Variants in GUCY1A2 observed in about 807,000 individuals in gnomAD.
GUCY1A2 encodes the protein guanylate cyclase 1 soluble subunit alpha 2, also known as guanylate cyclase soluble subunit alpha-2.
GUCY1A2 carries 27 observed loss-of-function variants against 63.5 expected under a neutral mutation model. The ratio of observed to expected loss-of-function variants is 0.43; its 90% CI spans 0.31 to 0.59. The LOEUF (loss-of-function observed/expected upper bound fraction) is 0.59. Among genes scored for constraint, GUCY1A2 ranks in the 20% least tolerant of loss-of-function variants. The pLI, the probability that GUCY1A2 is intolerant of heterozygous loss-of-function variation, is 0.11. For synonymous variants in GUCY1A2, 364 were observed against 343.5 expected (o/e 1.06, Z -0.66); for missense variants, 768 against 913.3 (o/e 0.84, Z 2.05).
chr11:106,725,795 G>A (rs1863397575), intron 6 of GUCY1A2, among the ~76,000 whole-genome samples: 1 of 151,990 alleles, frequency 6.6e-6, no homozygotes, highest in Admixed American at 6.5e-5. Flanking sequence ...GCATTTGCAT[G>A]TTTAATTAAA....
intron 5 of GUCY1A2, among the ~76,000 whole-genome samples, chr11:106,784,605 A>T (rs1014469927): frequency 1.3e-5 from 2 of 152,144 alleles, no homozygotes; most frequent in Non-Finnish European, 2.9e-5. Context: ...CAGACATTAT[A>T]TTGTGATTCT....
intron 4 of GUCY1A2, among the ~76,000 whole-genome samples, chr11:106,890,750 T>G (rs905424897): frequency 6.6e-6 from 1 of 152,132 alleles, no homozygotes; most frequent in African/African-American, 2.4e-5. Context: ...GCAGAAAATA[T>G]CATTTAAAAA....
intron 6 of GUCY1A2, among the ~76,000 whole-genome samples, chr11:106,740,710 G>A (rs1241171525): frequency 1.1e-4 from 16 of 139,660 alleles, no homozygotes; most frequent in East Asian, 2.0e-4. Context: ...AGTTTAGCTC[G>A]TTACCCAGGC....
chr11:106,981,618 C>A (rs184193428), intron 2 of GUCY1A2, among the ~76,000 whole-genome samples: 1 of 152,010 alleles, frequency 6.6e-6, no homozygotes, highest in African/African-American at 2.4e-5. Flanking sequence ...CTGAAGAAAT[C>A]TGTGCTTCGT....
chr11:106,726,547 G>A (rs1401030165), intron 6 of GUCY1A2, among the ~76,000 whole-genome samples: 3 of 152,186 alleles, frequency 2.0e-5, no homozygotes, highest in African/African-American at 7.2e-5. Flanking sequence ...TGGGCTACAG[G>A]ATGGAGAATG....
intron 3 of GUCY1A2, among the ~76,000 whole-genome samples, chr11:106,948,260 C>T (rs1400059520): frequency 6.6e-6 from 1 of 152,084 alleles, no homozygotes; most frequent in Non-Finnish European, 1.5e-5. Flanking sequence ...ATACAGTATA[C>T]TAAGACCAAT....
At chr11:106,865,284 T>C (rs1028105247) in intron 4 of GUCY1A2, among the ~76,000 whole-genome samples, 4 of 152,206 alleles carry the variant, frequency 2.6e-5, no homozygotes, top group African/African-American at 9.6e-5. Context: ...CTTCTCTCTT[T>C]TCTTCTTTAT....
intron 4 of GUCY1A2, among the ~76,000 whole-genome samples, chr11:106,835,978 G>A (rs1324045496): frequency 6.6e-6 from 1 of 151,894 alleles, no homozygotes; most frequent in Non-Finnish European, 1.5e-5. Context: ...GGAAGATAAT[G>A]GAATAACTAT....
intron 5 of GUCY1A2, among the ~76,000 whole-genome samples, chr11:106,777,225 C>G (rs374275050): frequency 6.6e-6 from 1 of 151,982 alleles, no homozygotes; most frequent in South Asian, 2.1e-4. Flanking sequence ...GTTGAGGCAG[C>G]GGATCACGAG....
chr11:106,881,266 T>C (rs1479331646), intron 4 of GUCY1A2, among the ~76,000 whole-genome samples: 2 of 152,054 alleles, frequency 1.3e-5, no homozygotes, highest in Non-Finnish European at 2.9e-5. Flanking sequence ...TTAGCCACAC[T>C]CCAAATGTTC....
chr11:106,882,059 C>A (rs546444318), intron 4 of GUCY1A2, among the ~76,000 whole-genome samples: 2 of 151,828 alleles, frequency 1.3e-5, no homozygotes, highest in Non-Finnish European at 2.9e-5. Flanking sequence ...CATTCTCTTT[C>A]TTTTCTTTTC....
intron 5 of GUCY1A2, among the ~76,000 whole-genome samples, chr11:106,779,432 G>A (rs1864420262): frequency 6.6e-6 from 1 of 152,026 alleles, no homozygotes; most frequent in African/African-American, 2.4e-5. Flanking sequence ...TATCCCACCC[G>A]TTCATATTTG....
rs191366620 is a variant in GUCY1A2 at position 106,936,162 on chromosome 11, C to T, written c.1206+3298G>A. 3.0e-4 allele frequency among the ~76,000 whole-genome samples: 45 copies of T among 152,242 alleles called. No homozygotes were observed. The East Asian group carries it at 7.7e-3, about 26-fold the overall frequency. ...TCACTCAAACAAGATTCATTCCATA[C>T]CAAGAAGCTTTGTAATCTATATCAG... On this transcript the variant is annotated intron_variant, in intron 4 of 7. Transcript: ENST00000526355.
chr11:106,970,175 A>T (rs1861175973), intron 3 of GUCY1A2, among the ~76,000 whole-genome samples: 1 of 152,158 alleles, frequency 6.6e-6, no homozygotes, highest in Admixed American at 6.6e-5. Context: ...AACAAAGACC[A>T]TTTGTGGACA....
intron 4 of GUCY1A2, among the ~76,000 whole-genome samples, chr11:106,895,016 C>A (rs2135480639): frequency 6.6e-6 from 1 of 152,046 alleles, no homozygotes; most frequent in South Asian, 2.1e-4. Context: ...GCCAGGCTAA[C>A]TAAGAAAAAA....
At chr11:106,709,245 T>G (rs1199106738) in intron 6 of GUCY1A2, among the ~76,000 whole-genome samples, 1 of 83,480 alleles carries the variant, frequency 1.2e-5, no homozygotes, top group African/African-American at 4.7e-5. Context: ...TATACTATAT[T>G]GTATATAATA....
intron 6 of GUCY1A2, among the ~76,000 whole-genome samples, chr11:106,749,717 A>G (rs1863851103): frequency 6.6e-6 from 1 of 152,046 alleles, no homozygotes; most frequent in Admixed American, 6.6e-5. Flanking sequence ...TTGCTCACAG[A>G]GGCATGACCT....
At chr11:106,994,300 A>AT (rs1410055622) in intron 1 of GUCY1A2, among the ~76,000 whole-genome samples, 1 of 152,216 alleles carries the variant, frequency 6.6e-6, no homozygotes, top group Non-Finnish European at 1.5e-5. Flanking sequence ...CTTTCCCAGT[A>AT]TTTTCCCCTT....
rs1859036916 is a variant in GUCY1A2, at chr11:106,830,584, G to A, written c.1207-20106C>T. ...AATATTAAACTGGCTTAGCCTCCAA[G>A]GCTACATCTTTTTCCTGTGCTGGAT... is the stretch of plus-strand genomic sequence containing the variant. On this transcript the variant is annotated intron_variant, in intron 4 of 7. Transcript: ENST00000526355. Among the ~76,000 whole-genome samples, 6 of 152,186 alleles carry A rather than the reference G, an allele frequency of 3.9e-5. No individual in the cohort carries two copies. In the South Asian group the frequency reaches 1.2e-3, roughly 31 times the overall value.
Sources: allele counts gnomAD v4.1 joint callset (sites outside exome capture counted in the v4.1 genomes callset), GRCh38; gene constraint gnomAD v4.1.1; transcripts MANE v1.5; gene names NCBI Gene and HGNC (gene_info 2026-07-23, HGNC 2026-07-21).